OPRM1: variants seen among roughly 807,000 people sequenced by gnomAD.
The protein encoded by OPRM1 is mu-type opioid receptor.
In OPRM1, 27 loss-of-function variants were observed where a neutral mutation model predicts 31.8. That is an observed-to-expected ratio of 0.85 (90% CI 0.63 to 1.17). OPRM1 has a LOEUF of 1.17. Ranked by LOEUF, OPRM1 falls within the 50% of genes most tolerant of loss-of-function variation. The pLI is 0.00. For missense variants in OPRM1, 536 were observed against 511.1 expected (o/e 1.05, Z -0.47); for synonymous variants, 196 against 189.9 (o/e 1.03, Z -0.26).
chr6:154,227,965 T>C (rs1212055818), intron 3 of OPRM1, among the ~76,000 whole-genome samples: 1 of 139,284 alleles, frequency 7.2e-6, no homozygotes, highest in Admixed American at 7.8e-5. Flanking sequence ...TGTCAAAAAA[T>C]GGTCCTTGCT....
rs529983177 is a variant in OPRM1, at chr6:154,223,283, A to T, written c.1165-23410A>T. The stretch of plus-strand genomic sequence containing the variant: ...TACCACAAATAGGAATGAATGCATC[A>T]ATCCTGGGGATTAGTGCATTGAGAT... On this transcript the variant is annotated intron_variant, in intron 3 of 3. Coordinates refer to the OPRM1 transcript ENST00000337049. 2.9e-5 allele frequency: 43 copies of T among 1,461,734 alleles called. No individual in the cohort carries two copies. The South Asian group carries it at 4.7e-4, about 16-fold the overall frequency. 90.5% of individuals were successfully genotyped at this position (1,461,734 alleles called of 1,614,324 possible). A position where few individuals can be genotyped will look rare whatever the true frequency, so the allele number is the denominator to read the frequency against.
At chr6:154,041,958 G>A (rs754870525) in intron 1 of OPRM1, among the ~76,000 whole-genome samples, 1 of 152,180 alleles carries the variant, frequency 6.6e-6, no homozygotes, top group Non-Finnish European at 1.5e-5. Context: ...TTATTCCAGT[G>A]TAGAAGAGGT....
chr6:154,223,439 C>A (rs1456565989), intron 3 of OPRM1, among the ~76,000 whole-genome samples: 1 of 152,134 alleles, frequency 6.6e-6, no homozygotes, highest in East Asian at 1.9e-4. Context: ...TGATAAGTCA[C>A]CCAGAATCTT....
downstream of OPRM1, among the ~76,000 whole-genome samples, chr6:154,132,432 C>G (rs961888088): frequency 1.3e-5 from 2 of 152,120 alleles, no homozygotes; most frequent in African/African-American, 4.8e-5. Flanking sequence ...GTAAATGTTG[C>G]GACGTAGGTA....
chr6:154,105,812 A>G (rs962530177), intron 3 of OPRM1, among the ~76,000 whole-genome samples: 7 of 152,210 alleles, frequency 4.6e-5, no homozygotes, highest in African/African-American at 1.7e-4. Context: ...TTCCTCTATG[A>G]TTTTTATGCC....
intron 3 of OPRM1, among the ~76,000 whole-genome samples, chr6:154,114,443 A>AG (rs1796655200): frequency 1.3e-5 from 2 of 149,330 alleles, no homozygotes; most frequent in Non-Finnish European, 2.9e-5. Flanking sequence ...GAAAAAAAAA[A>AG]GAGAGAAAGA....
intron 1 of OPRM1, among the ~76,000 whole-genome samples, chr6:154,015,263 C>T (rs1018450862): frequency 2.0e-5 from 3 of 151,980 alleles, no homozygotes; most frequent in Non-Finnish European, 4.4e-5. Context: ...CTAAAAGTCT[C>T]ATAACGGTGT....
At chr6:154,090,825 A>C (rs1460024451) in intron 2 of OPRM1, 127 bp from the exon 3 acceptor site, 3 of 782,550 alleles carry the variant, frequency 3.8e-6, no homozygotes, top group Non-Finnish European at 6.1e-6. Flanking sequence ...TTTCTTCCAC[A>C]ATTTCTTTAT....
upstream of OPRM1, among the ~76,000 whole-genome samples, chr6:154,036,558 G>T (rs1779309025): frequency 6.6e-6 from 1 of 151,872 alleles, no homozygotes; most frequent in Admixed American, 6.6e-5. Flanking sequence ...GTTGCTCTTT[G>T]CCTGTAATTC....
intron 3 of OPRM1, among the ~76,000 whole-genome samples, chr6:154,201,502 C>T (rs1378965224): frequency 1.3e-5 from 2 of 152,186 alleles, no homozygotes; most frequent in African/African-American, 4.8e-5. Context: ...CTACAGATCA[C>T]CCTATATCTC....
chr6:154,166,664 G>A (rs908423916), intron 3 of OPRM1, among the ~76,000 whole-genome samples: 3 of 152,164 alleles, frequency 2.0e-5, no homozygotes, highest in Non-Finnish European at 2.9e-5. Flanking sequence ...TACACCGGTA[G>A]AGTCCATTCA....
intron 1 of OPRM1, among the ~76,000 whole-genome samples, chr6:154,011,448 T>A (rs1777721484): frequency 6.6e-6 from 1 of 152,144 alleles, no homozygotes; most frequent in Non-Finnish European, 1.5e-5. Flanking sequence ...GATTAAAAAG[T>A]TTCACAAAAG....
At position 154,091,401 on chromosome 6, in the gene OPRM1, T is replaced by G; in HGVS notation, c.1093T>G (p.Ser365Ala). 6.2e-7 allele frequency: 1 copy of G among 1,614,014 alleles called. No homozygotes were observed. The highest frequency in any genetic ancestry group is 8.5e-7 in the Non-Finnish European group (1 of 1,180,022). ...CTCTTCCAACATTGAGCAACAAAAC[T>G]CCACTCGAATTCGTCAGAACACTAG... Reference protein sequence around the residue: ...PTSSNIEQQNSTRIRQNTRDH... With the variant: ...PTSSNIEQQNATRIRQNTRDH... Residue 365 changes from serine (S) to alanine (A), a missense_variant, in exon 3 of 4, where the codon TCC becomes GCC. Physicochemically the swap from Ser to Ala is moderately conservative, Grantham distance 99. Coordinates refer to ENST00000330432, the MANE Select transcript of OPRM1 (RefSeq NM_000914.5).
chr6:154,214,929 G>C (rs1363892002), intron 3 of OPRM1, among the ~76,000 whole-genome samples: 1 of 152,188 alleles, frequency 6.6e-6, no homozygotes, highest in Non-Finnish European at 1.5e-5. Flanking sequence ...TATCACTGCA[G>C]ACCACTGTAG....
chr6:154,228,434 T>A (rs1779443696), intron 3 of OPRM1, among the ~76,000 whole-genome samples: 1 of 152,244 alleles, frequency 6.6e-6, no homozygotes, highest in Admixed American at 6.5e-5. Flanking sequence ...TTGTACAAAC[T>A]TCTCTTTCCA....
At chr6:154,054,862 C>T (rs1220012142) in intron 1 of OPRM1, among the ~76,000 whole-genome samples, 1 of 152,134 alleles carries the variant, frequency 6.6e-6, no homozygotes, top group Admixed American at 6.5e-5. Context: ...GATAAATATA[C>T]ACACCTAACA....
intron 3 of OPRM1, among the ~76,000 whole-genome samples, chr6:154,171,254 AT>A (rs1397360876): frequency 6.6e-6 from 1 of 152,214 alleles, no homozygotes; most frequent in Non-Finnish European, 1.5e-5. Flanking sequence ...AAAATGTGGC[AT>A]TTGCATGTGA....
At chr6:154,183,201 G>A (rs763551596) in intron 3 of OPRM1, among the ~76,000 whole-genome samples, 28 of 151,972 alleles carry the variant, frequency 1.8e-4, no homozygotes, top group South Asian at 4.2e-4. Context: ...GGATGGTCTC[G>A]ATCTCCTGAC....
At chr6:154,216,173 T>C (rs1031472766) in intron 3 of OPRM1, among the ~76,000 whole-genome samples, 20 of 152,150 alleles carry the variant, frequency 1.3e-4, no homozygotes, top group African/African-American at 4.8e-4. Flanking sequence ...TGGCAGAATG[T>C]TCACTGCCAA....
Sources: gnomAD v4.1 joint callset for allele counts (sites outside exome capture counted in the v4.1 genomes callset) on GRCh38, gnomAD v4.1.1 for gene constraint, MANE v1.5 for transcripts, NCBI Gene and HGNC (gene_info 2026-07-23, HGNC 2026-07-21) for gene names.